The following DLGAP2 variants were observed in gnomAD, a reference collection of about 807,000 sequenced individuals.
DLGAP2 encodes DLG associated protein 2.
Under a neutral mutation model 100.3 loss-of-function variants are expected in DLGAP2, and 26 were observed. The ratio of observed to expected loss-of-function variants is 0.26; its 90% CI spans 0.19 to 0.36. The LOEUF is 0.36. Among genes scored for constraint, DLGAP2 ranks in the 10% least tolerant of loss-of-function variants. The pLI is 1.00. For synonymous variants in DLGAP2, 886 were observed against 630.1 expected (o/e 1.41, Z -6.08); for missense variants, 1,858 against 1,453.2 (o/e 1.28, Z -4.53).
At chr8:1,094,075 G>A (rs1053974983) in intron 2 of DLGAP2, among the ~76,000 whole-genome samples, 4 of 151,964 alleles carry the variant, frequency 2.6e-5, no homozygotes, top group Admixed American at 2.6e-4. Context: ...CAGCTGCGAG[G>A]TGGGCGGAGG....
At chr8:1,631,932 C>T (rs1797656704) in intron 7 of DLGAP2, among the ~76,000 whole-genome samples, 1 of 152,208 alleles carries the variant, frequency 6.6e-6, no homozygotes, top group South Asian at 2.1e-4. Flanking sequence ...AGGAAAAGAA[C>T]TAATCTGGTG....
chr8:1,466,894 T>G (rs550556261), intron 3 of DLGAP2, among the ~76,000 whole-genome samples: 1 of 152,262 alleles, frequency 6.6e-6, no homozygotes, highest in East Asian at 1.9e-4. Flanking sequence ...TTTTTTTCCC[T>G]TAACTACAGC....
At chr8:1,473,416 G>A (rs1014102586) in intron 3 of DLGAP2, among the ~76,000 whole-genome samples, 1 of 152,208 alleles carries the variant, frequency 6.6e-6, no homozygotes, top group African/African-American at 2.4e-5. Flanking sequence ...GGGGCTGGAG[G>A]CGAAGGTGTT....
At chr8:1,591,788 C>T (rs1168403462) in intron 6 of DLGAP2, among the ~76,000 whole-genome samples, 2 of 152,198 alleles carry the variant, frequency 1.3e-5, no homozygotes, top group East Asian at 3.9e-4. Context: ...CTCACCCATC[C>T]CCAGCAGAGG....
chr8:1,223,607 G>T (rs183540950), intron 2 of DLGAP2, among the ~76,000 whole-genome samples: 78 of 152,338 alleles, frequency 5.1e-4, no homozygotes, highest in African/African-American at 1.8e-3. Flanking sequence ...ATTAAGAATT[G>T]TAAGTGCCTT....
intron 2 of DLGAP2, among the ~76,000 whole-genome samples, chr8:1,185,320 G>A (rs909956800): frequency 6.6e-6 from 1 of 152,204 alleles, no homozygotes; most frequent in East Asian, 1.9e-4. Flanking sequence ...CGGGCTGAGT[G>A]ACACCATCAT....
At position 1,705,018 on chromosome 8, in the gene DLGAP2, A is replaced by T. The variant is rs1161716334; in HGVS notation, c.*3612A>T. 3 of 152,174 alleles carry T rather than the reference A, an allele frequency of 2.0e-5. No individual in the cohort carries two copies. The East Asian group carries it at 5.8e-4, about 29-fold the overall frequency. The allele number at this position is 152,174 out of a possible 1,614,324, so 9.4% of individuals were successfully genotyped here. On this transcript the variant is annotated 3_prime_UTR_variant, in exon 15 of 15. Transcript: ENST00000637795. The stretch of plus-strand genomic sequence containing the variant: ...AGGCCCTGCATCCGTAAATTCGCGC[A>T]TCTCTGTTTTTGTTAGATCCTTGTA...
chr8:1,067,803 G>A (rs1035776365), intron 2 of DLGAP2, among the ~76,000 whole-genome samples: 6 of 150,114 alleles, frequency 4.0e-5, no homozygotes, highest in Admixed American at 2.0e-4. Flanking sequence ...AACACGACAC[G>A]TCATCCTCAC....
intron 1 of DLGAP2, among the ~76,000 whole-genome samples, chr8:883,701 G>A (rs897355945): frequency 6.6e-6 from 1 of 151,888 alleles, no homozygotes; most frequent in African/African-American, 2.4e-5. Flanking sequence ...ACGTAGGTGC[G>A]CGTGTGCCGC....
At chr8:1,072,553 G>T (rs932275257) in intron 2 of DLGAP2, among the ~76,000 whole-genome samples, 1 of 152,164 alleles carries the variant, frequency 6.6e-6, no homozygotes, top group African/African-American at 2.4e-5. Context: ...CAGGCACCTG[G>T]CAGGGAGGTG....
At chr8:1,005,232 C>T (rs1043101650) in intron 2 of DLGAP2, among the ~76,000 whole-genome samples, 8 of 152,118 alleles carry the variant, frequency 5.3e-5, no homozygotes, top group Admixed American at 2.0e-4. Flanking sequence ...ATTTGCTTGG[C>T]CTTGAGGGAA....
intron 1 of DLGAP2, among the ~76,000 whole-genome samples, chr8:800,222 C>T (rs1048805672): frequency 4.6e-5 from 7 of 152,118 alleles, no homozygotes; most frequent in African/African-American, 7.2e-5. Flanking sequence ...GGACTTTGTG[C>T]GGCAGAATCA....
chr8:785,361 G>A (rs1025517499), intron 1 of DLGAP2, among the ~76,000 whole-genome samples: 14 of 151,070 alleles, frequency 9.3e-5, no homozygotes, highest in East Asian at 1.9e-4. Flanking sequence ...GAGGCAGGCC[G>A]GGCCCCTGCA....
chr8:804,856 C>G (rs1371565236), intron 1 of DLGAP2, among the ~76,000 whole-genome samples: 1 of 152,106 alleles, frequency 6.6e-6, no homozygotes, highest in Non-Finnish European at 1.5e-5. Context: ...GCCTCGGCCT[C>G]CTGGGCTTAA....
At chr8:1,623,558 G>GCACCAGTGCGCGATGACCTGA (rs1563263522) in intron 6 of DLGAP2, among the ~76,000 whole-genome samples, 4 of 148,058 alleles carry the variant, frequency 2.7e-5, no homozygotes, top group African/African-American at 9.9e-5. Context: ...TGATAACCTG[G>GCACCAGTGCGCGATGACCTGA]CACCAGTGCG....
intron 6 of DLGAP2, among the ~76,000 whole-genome samples, chr8:1,569,699 CAG>C (rs1159236990): frequency 6.6e-6 from 1 of 152,232 alleles, no homozygotes; most frequent in Admixed American, 6.5e-5. Context: ...AAACATGACT[CAG>C]GGAAATGAGG....
intron 2 of DLGAP2, among the ~76,000 whole-genome samples, chr8:972,005 T>C (rs940906130): frequency 7.2e-5 from 11 of 152,168 alleles, no homozygotes; most frequent in African/African-American, 2.7e-4. Flanking sequence ...TATAATAACA[T>C]GGAACTAGAG....
intron 3 of DLGAP2, among the ~76,000 whole-genome samples, chr8:1,362,413 G>A (rs1287379115): frequency 3.4e-5 from 5 of 148,504 alleles, no homozygotes; most frequent in Admixed American, 6.7e-5. Flanking sequence ...CAGCAGTCCC[G>A]CCGTCACAGC....
Position 820,014 on chromosome 8 carries a change from A to G in DLGAP2, c.18+82189A>G, listed in dbSNP as rs144861385. On this transcript the variant is annotated intron_variant, in intron 1 of 14. Coordinates refer to ENST00000637795, the MANE Select transcript of DLGAP2 (RefSeq NM_001346810.2). ...GATGTGTTAGAGAAAAAAATGAACC[A>G]TGAGAGTTCTTGTCTACTAAGAGAA... 2.0e-3 allele frequency among the ~76,000 whole-genome samples: 299 copies of G among 152,346 alleles called. 1 individual carries two copies. The highest frequency in any genetic ancestry group is 3.1e-3 in the Non-Finnish European group (212 of 68,034).
Sources: allele counts gnomAD v4.1 joint callset (sites outside exome capture counted in the v4.1 genomes callset), GRCh38; gene constraint gnomAD v4.1.1; transcripts MANE v1.5; gene names NCBI Gene and HGNC (gene_info 2026-07-23, HGNC 2026-07-21).